Variants in RBFOX3 observed in about 807,000 individuals in gnomAD.
RBFOX3 encodes RNA binding protein fox-1 homolog 3.
A neutral mutation model predicts 48.7 loss-of-function variants in RBFOX3; 17 were observed. The observed-to-expected ratio is 0.35, with a 90% CI of 0.24 to 0.52. RBFOX3 has a LOEUF of 0.52. RBFOX3 is among the 20% of genes least tolerant of loss of function. The probability of loss-of-function intolerance (pLI) is 0.94; values close to 1 mark genes in which losing one functional copy is unlikely to be tolerated. For synonymous variants in RBFOX3, 212 were observed against 209.5 expected, an observed-to-expected ratio of 1.01 and a Z score of -0.10; for missense variants, 382 against 497.5, an observed-to-expected ratio of 0.77 and a Z score of 2.21.
rs111640785 is a variant in RBFOX3, at chr17:79,313,218, G to A, written c.-174-5394C>T. On this transcript the variant is annotated intron_variant, in intron 2 of 14. Coordinates refer to ENST00000693108, the MANE Select transcript of RBFOX3 (RefSeq NM_001350451.2). ...CTTCCAGGCTCTTGCATACCCCACTGGGGTGGGAATTATCAAAGGGGTAGG... is the reference window on the plus strand; with the variant it reads ...CTTCCAGGCTCTTGCATACCCCACTAGGGTGGGAATTATCAAAGGGGTAGG... Among the ~76,000 whole-genome samples, 719 of 152,310 alleles carry A rather than the reference G, an allele frequency of 4.7e-3. 8 individuals carry two copies. The highest frequency in any genetic ancestry group is 0.017 in the African/African-American group (687 of 41,572).
chr17:79,653,885 A>AG, the RBFOX3 span, among the ~76,000 whole-genome samples: 2 of 143,084 alleles, frequency 1.4e-5, no homozygotes, highest in African/African-American at 5.2e-5. Context: ...TCTACCACCA[A>AG]AAAAAAAAAA....
intron 1 of RBFOX3, among the ~76,000 whole-genome samples, chr17:79,569,229 AAAC>A (rs1157827539): frequency 1.3e-5 from 2 of 152,074 alleles, no homozygotes; most frequent in Non-Finnish European, 2.9e-5. Context: ...CATTCCTATT[AAAC>A]AATAGCTCCC....
chr17:79,193,242 G>A (rs764058196), intron 4 of RBFOX3, among the ~76,000 whole-genome samples: 11 of 152,268 alleles, frequency 7.2e-5, no homozygotes, highest in East Asian at 3.9e-4. Context: ...GGGAGATTAC[G>A]CTCGGAAGCC....
At chr17:79,595,143 C>G (rs1274062272) in intron 1 of RBFOX3, among the ~76,000 whole-genome samples, 1 of 151,968 alleles carries the variant, frequency 6.6e-6, no homozygotes, top group African/African-American at 2.4e-5. Context: ...CCTGGAGAGC[C>G]ATCGGTATTG....
chr17:79,659,753 T>C, the RBFOX3 span, among the ~76,000 whole-genome samples: 1 of 152,108 alleles, frequency 6.6e-6, no homozygotes, highest in Non-Finnish European at 1.5e-5. Context: ...GCTCAATGAA[T>C]AGTCAGAGTG....
At chr17:79,356,356 T>TC in intron 2 of RBFOX3, among the ~76,000 whole-genome samples, 1 of 59,748 alleles carries the variant, frequency 1.7e-5, no homozygotes. Context: ...AAGTTTTTTT[T>TC]TTTTTTTTTT....
At chr17:79,116,111 A>G (rs2033878781) in intron 4 of RBFOX3, among the ~76,000 whole-genome samples, 1 of 152,216 alleles carries the variant, frequency 6.6e-6, no homozygotes, top group Admixed American at 6.5e-5. Context: ...TAACACAGTG[A>G]TCTGTACACC....
At chr17:79,235,082 C>T (rs1005468608) in intron 4 of RBFOX3, 3 of 152,106 alleles carry the variant, frequency 2.0e-5, no homozygotes, top group African/African-American at 7.2e-5. Flanking sequence ...ATGGGTTTAT[C>T]AGGACACAAC....
rs537843769 is a variant in RBFOX3, at chr17:79,171,799, G to A, written c.-33-56051C>T. Among the ~76,000 whole-genome samples the A allele has an allele frequency of 2.0e-5, 3 of 151,790 alleles. No homozygotes were observed. The South Asian group carries it at 6.3e-4, about 32-fold the overall frequency. On this transcript the variant is annotated intron_variant, in intron 4 of 14. Transcript: ENST00000693108. Reference sequence around the variant, plus strand: ...CCCAACTCAACCTCCCAAAGTGCTGGGATGACGGGTGTGAGCCACCACACC... The same window carrying A: ...CCCAACTCAACCTCCCAAAGTGCTGAGATGACGGGTGTGAGCCACCACACC...
At chr17:79,182,906 G>A (rs1010129251) in intron 4 of RBFOX3, among the ~76,000 whole-genome samples, 63 of 150,402 alleles carry the variant, frequency 4.2e-4, no homozygotes, top group Non-Finnish European at 8.9e-5. Context: ...GTCCCCAGCG[G>A]CCCGGCGCGA....
At chr17:79,453,868 A>T (rs2149176260) in intron 2 of RBFOX3, among the ~76,000 whole-genome samples, 1 of 152,246 alleles carries the variant, frequency 6.6e-6, no homozygotes, top group East Asian at 1.9e-4. Flanking sequence ...CTTGGCTGGC[A>T]GAGGAGAGGA....
chr17:79,097,831 G>A (rs1442984221), intron 9 of RBFOX3, 86 bp from the exon 10 acceptor site: 3 of 1,404,380 alleles, frequency 2.1e-6, no homozygotes, highest in Non-Finnish European at 3.0e-6. Context: ...CAGCGACACC[G>A]GTGGAGCCCT....
In RBFOX3 at chr17:79,418,453, G is replaced by A. The variant is rs966783340; in HGVS notation, c.-175+64001C>T. ...AATTTCATAAAGAAGGATTCACACC[G>A]TGCCACGCGAGAAAGCCGTGTGTGT... On this transcript the variant is annotated intron_variant, in intron 2 of 14. Coordinates refer to ENST00000693108, the MANE Select transcript of RBFOX3 (RefSeq NM_001350451.2). The surrounding 1 kb of genome is among the most constrained non-coding windows in gnomAD (Gnocchi z 5.0). 9.2e-5 allele frequency among the ~76,000 whole-genome samples: 14 copies of A among 152,296 alleles called. No homozygotes were observed. Among genetic ancestry groups the A allele is most frequent in the East Asian group, 1.9e-4 (1 of 5,184 alleles).
intron 1 of RBFOX3, among the ~76,000 whole-genome samples, chr17:79,593,873 G>A (rs991006545): frequency 7.2e-5 from 11 of 152,156 alleles, no homozygotes; most frequent in Non-Finnish European, 1.6e-4. Flanking sequence ...GGCACCAGCA[G>A]GCTCCAGGAC....
At chr17:79,580,035 G>T (rs1395337385) in intron 1 of RBFOX3, among the ~76,000 whole-genome samples, 4 of 152,096 alleles carry the variant, frequency 2.6e-5, no homozygotes, top group Non-Finnish European at 5.9e-5. Flanking sequence ...TGGTGCCACA[G>T]CGACTGCACT....
intron 3 of RBFOX3, among the ~76,000 whole-genome samples, chr17:79,305,693 C>T (rs895641697): frequency 2.6e-5 from 4 of 152,238 alleles, no homozygotes; most frequent in African/African-American, 9.6e-5. Context: ...ACCAGCTACA[C>T]AGCTCTGAGC....
intron 1 of RBFOX3, among the ~76,000 whole-genome samples, chr17:79,514,604 C>G (rs1282907096): frequency 3.3e-5 from 5 of 152,186 alleles, no homozygotes; most frequent in African/African-American, 1.2e-4. Flanking sequence ...GCTCTGGGGC[C>G]ACAGGCAAGT....
chr17:79,202,205 G>A (rs1347118908), intron 4 of RBFOX3, among the ~76,000 whole-genome samples: 1 of 152,072 alleles, frequency 6.6e-6, no homozygotes, highest in Admixed American at 6.5e-5. Flanking sequence ...CATCTGAGCT[G>A]GACTGTGCTC....
chr17:79,217,447 TTTCAGTG>T (rs1432668727), intron 4 of RBFOX3, among the ~76,000 whole-genome samples: 6 of 152,180 alleles, frequency 3.9e-5, no homozygotes, highest in Admixed American at 1.3e-4. Flanking sequence ...CACTCGTTCA[TTTCAGTG>T]TTCAGTGTTC....
Sources: allele counts gnomAD v4.1 joint callset (sites outside exome capture counted in the v4.1 genomes callset), GRCh38; gene constraint gnomAD v4.1.1; non-coding constraint Gnocchi (gnomAD v3.1); transcripts MANE v1.5; gene names NCBI Gene and HGNC (gene_info 2026-07-23, HGNC 2026-07-21).